Variants in PTCHD4 observed in about 807,000 individuals in gnomAD.
PTCHD4 encodes patched domain containing 4.
Under a neutral mutation model 58.1 loss-of-function variants are expected in PTCHD4, and 33 were observed. The ratio of observed to expected loss-of-function variants is 0.57; its 90% CI spans 0.43 to 0.76. The LOEUF (loss-of-function observed/expected upper bound fraction) is 0.76, where lower values mean the gene tolerates loss of function less well. Among genes scored for constraint, PTCHD4 ranks in the 30% least tolerant of loss-of-function variants. The pLI is 0.00. For synonymous variants in PTCHD4, 478 were observed against 409.6 expected (o/e 1.17, Z -2.02); for missense variants, 1,058 against 1,027.1 (o/e 1.03, Z -0.41).
chr6:48,059,675 T>C (rs1421327521), intron 3 of PTCHD4, among the ~76,000 whole-genome samples: 1 of 151,982 alleles, frequency 6.6e-6, no homozygotes, highest in Non-Finnish European at 1.5e-5. Flanking sequence ...CCTAAAGTCA[T>C]AGACTTAATG....
chr6:47,940,056 A>G (rs1371817397), intron 4 of PTCHD4, among the ~76,000 whole-genome samples: 1 of 152,158 alleles, frequency 6.6e-6, no homozygotes, highest in Non-Finnish European at 1.5e-5. Context: ...TGAAAGTACT[A>G]TTATTGTGCA....
intron 4 of PTCHD4, among the ~76,000 whole-genome samples, chr6:48,000,020 T>C (rs1036750529): frequency 1.3e-5 from 2 of 152,192 alleles, no homozygotes; most frequent in African/African-American, 4.8e-5. Flanking sequence ...AAGAAGTAAC[T>C]GCATCACTTC....
chr6:48,038,449 C>G lies in PTCHD4; in HGVS notation c.418-29335G>C, dbSNP rs1763725389. On this transcript the variant is annotated intron_variant, in intron 3 of 4. Coordinates refer to ENST00000339488, the MANE Select transcript of PTCHD4 (RefSeq NM_001384253.1). ...TTGAGGTCAGAAGTTTGAAACCAGA[C>G]TGGCAAACATGGTGAAACCCCATCT... Among the ~76,000 whole-genome samples, 3 of 151,898 alleles carry G rather than the reference C, an allele frequency of 2.0e-5. No individual in the cohort carries two copies. In the South Asian group the frequency reaches 6.2e-4, roughly 32 times the overall value.
At chr6:47,939,333 T>C (rs1482683701) in intron 4 of PTCHD4, among the ~76,000 whole-genome samples, 1 of 152,108 alleles carries the variant, frequency 6.6e-6, no homozygotes, top group Non-Finnish European at 1.5e-5. Context: ...GGTATTGATG[T>C]CTCTGGTTGG....
intron 1 of PTCHD4, among the ~76,000 whole-genome samples, chr6:48,110,128 A>T (rs976563566): frequency 1.3e-5 from 2 of 152,162 alleles, no homozygotes; most frequent in African/African-American, 4.8e-5. Context: ...AGGAAAATGA[A>T]ATCAGCGTGT....
chr6:48,104,898 C>A (rs1443847688), intron 1 of PTCHD4, among the ~76,000 whole-genome samples: 1 of 152,130 alleles, frequency 6.6e-6, no homozygotes, highest in African/African-American at 2.4e-5. Flanking sequence ...ACAAGAAGAA[C>A]TAACTATCCT....
intron 1 of PTCHD4, among the ~76,000 whole-genome samples, chr6:48,100,045 A>C (rs981135514): frequency 1.3e-5 from 2 of 152,238 alleles, no homozygotes; most frequent in African/African-American, 4.8e-5. Flanking sequence ...GGAAGAGTAT[A>C]GTGAAAGCAA....
rs79388080 is a variant in PTCHD4 at position 48,017,727 on chromosome 6, A to G, written c.418-8613T>C. 5.4e-3 allele frequency among the ~76,000 whole-genome samples: 819 copies of G among 152,358 alleles called. 8 individuals are homozygous for G. Among genetic ancestry groups the G allele is most frequent in the African/African-American group, 0.019 (776 of 41,572 alleles). On this transcript the variant is annotated intron_variant, in intron 3 of 4. Coordinates refer to ENST00000339488, the MANE Select transcript of PTCHD4 (RefSeq NM_001384253.1). The stretch of plus-strand genomic sequence containing the variant: ...CAAGAGAGAGGATACAGTGAAAGAA[A>G]TGTTATACTGCTACTAAGTGGCACA...
At chr6:48,102,915 C>T (rs1196521253) in intron 1 of PTCHD4, among the ~76,000 whole-genome samples, 1 of 152,186 alleles carries the variant, frequency 6.6e-6, no homozygotes, top group East Asian at 1.9e-4. Context: ...GAGGGGTGCC[C>T]ACCATTGCTC....
intron 3 of PTCHD4, among the ~76,000 whole-genome samples, chr6:48,042,264 T>C (rs1763874211): frequency 6.6e-6 from 1 of 152,118 alleles, no homozygotes; most frequent in Middle Eastern, 3.4e-3. Context: ...AAACAGGTGA[T>C]TTCTACATAG....
chr6:48,005,384 T>C (rs541174931), intron 4 of PTCHD4, among the ~76,000 whole-genome samples: 1 of 152,264 alleles, frequency 6.6e-6, no homozygotes, highest in East Asian at 1.9e-4. Context: ...GGAATAGAAA[T>C]AGAGGTTTAC....
chr6:47,947,514 T>C (rs930066856), intron 4 of PTCHD4, among the ~76,000 whole-genome samples: 15 of 152,142 alleles, frequency 9.9e-5, no homozygotes, highest in African/African-American at 3.1e-4. Context: ...AGTTTTGGTC[T>C]CAAATGTCAC....
intron 4 of PTCHD4, among the ~76,000 whole-genome samples, chr6:48,007,687 T>C (rs1280394819): frequency 1.3e-5 from 2 of 152,220 alleles, no homozygotes; most frequent in African/African-American, 2.4e-5. Flanking sequence ...TAGCAAGCCC[T>C]AAGATGTCTA....
At chr6:48,014,105 TAGAA>T (rs1417797030) in intron 3 of PTCHD4, among the ~76,000 whole-genome samples, 2 of 152,112 alleles carry the variant, frequency 1.3e-5, no homozygotes, top group African/African-American at 2.4e-5. Context: ...ATATAACAAA[TAGAA>T]AGAATTTCTT....
chr6:47,932,016 C>T (rs1244478284), intron 4 of PTCHD4, among the ~76,000 whole-genome samples: 1 of 151,916 alleles, frequency 6.6e-6, no homozygotes, highest in Non-Finnish European at 1.5e-5. Flanking sequence ...AAGAGTGGGC[C>T]TCAACTTGTA....
chr6:47,872,779 T>C lies in PTCHD4; in HGVS notation c.*5524A>G, dbSNP rs181197589. Among the ~76,000 whole-genome samples the C allele has an allele frequency of 4.2e-3, 633 of 151,738 alleles. 1 individual carries two copies. Among genetic ancestry groups the C allele is most frequent in the Middle Eastern group, 0.031 (9 of 294 alleles). ...GGTACACTCCCATTTAATTTTTACA[T>C]CTTTAGAGATGCAGAAGACATAAAA... is the stretch of plus-strand genomic sequence containing the variant. On this transcript the variant is annotated 3_prime_UTR_variant, in exon 5 of 5. Transcript: ENST00000339488.
At chr6:48,106,288 T>A (rs1248170923) in intron 1 of PTCHD4, among the ~76,000 whole-genome samples, 2 of 152,216 alleles carry the variant, frequency 1.3e-5, no homozygotes, top group Admixed American at 1.3e-4. Flanking sequence ...GATGCAAGCC[T>A]GGTTCAACAT....
chr6:48,109,998 T>C lies in PTCHD4; in HGVS notation c.-970+1051A>G, dbSNP rs149594497. Among the ~76,000 whole-genome samples the C allele has an allele frequency of 4.6e-3, 700 of 152,278 alleles. 6 individuals carry two copies. The highest frequency in any genetic ancestry group is 0.021 in the South Asian group (101 of 4,826). On this transcript the variant is annotated intron_variant, in intron 1 of 4. Coordinates refer to ENST00000339488, the MANE Select transcript of PTCHD4 (RefSeq NM_001384253.1). Reference sequence around the variant, plus strand: ...GAGTGTGGAGAAAAGAGAGCCCTTGTATACAACTGTTGGAAATGTAAACTG... The same window carrying C: ...GAGTGTGGAGAAAAGAGAGCCCTTGCATACAACTGTTGGAAATGTAAACTG...
intron 4 of PTCHD4, among the ~76,000 whole-genome samples, chr6:47,923,216 G>A (rs1765488744): frequency 6.6e-6 from 1 of 152,110 alleles, no homozygotes; most frequent in African/African-American, 2.4e-5. Flanking sequence ...GTATAAAAGA[G>A]AAAATCAAAA....
Sources: gnomAD v4.1 joint callset for allele counts (sites outside exome capture counted in the v4.1 genomes callset) on GRCh38, gnomAD v4.1.1 for gene constraint, MANE v1.5 for transcripts, NCBI Gene and HGNC (gene_info 2026-07-23, HGNC 2026-07-21) for gene names.